SPOCK1: variants seen among roughly 807,000 people sequenced by gnomAD.
SPOCK1 encodes SPARC (osteonectin), cwcv and kazal like domains proteoglycan 1, also known as testican-1.
Under a neutral mutation model 55.3 loss-of-function variants are expected in SPOCK1, and 23 were observed. The observed-to-expected ratio is 0.42, with a 90% CI of 0.30 to 0.59. The LOEUF (loss-of-function observed/expected upper bound fraction) is 0.59, where lower values mean the gene tolerates loss of function less well. Among genes scored for constraint, SPOCK1 ranks in the 20% least tolerant of loss-of-function variants. The pLI is 0.22. For missense variants in SPOCK1, 499 were observed against 552.5 expected, an observed-to-expected ratio of 0.90 and a Z score of 0.97; for synonymous variants, 226 against 221.0, an observed-to-expected ratio of 1.02 and a Z score of -0.20.
At chr5:137,061,384 A>G (rs1752391336) in intron 6 of SPOCK1, among the ~76,000 whole-genome samples, 1 of 152,168 alleles carries the variant, frequency 6.6e-6, no homozygotes, top group Admixed American at 6.5e-5. Flanking sequence ...TGTCAACCCA[A>G]GACAGTTTCC....
chr5:137,488,788 C>T (rs972040527), intron 2 of SPOCK1, among the ~76,000 whole-genome samples: 1 of 152,190 alleles, frequency 6.6e-6, no homozygotes, highest in Non-Finnish European at 1.5e-5. Context: ...TGCATAAATG[C>T]CTGCTCACCT....
At chr5:137,395,500 T>C (rs1247789966) in intron 2 of SPOCK1, among the ~76,000 whole-genome samples, 2 of 152,138 alleles carry the variant, frequency 1.3e-5, no homozygotes, top group African/African-American at 4.8e-5. Flanking sequence ...ATCAGGCCTG[T>C]GAATCTTCCC....
chr5:137,339,529 C>G (rs969793485), intron 2 of SPOCK1, among the ~76,000 whole-genome samples: 3 of 152,182 alleles, frequency 2.0e-5, no homozygotes, highest in African/African-American at 7.2e-5. Context: ...GAAGGGGGAA[C>G]CCAGCTTCCA....
chr5:137,466,339 G>T (rs947185205), intron 2 of SPOCK1, among the ~76,000 whole-genome samples: 2 of 152,170 alleles, frequency 1.3e-5, no homozygotes, highest in African/African-American at 4.8e-5. Context: ...ACAACAGCTG[G>T]ATCTCTCCTA....
At chr5:137,025,729 G>A (rs1751663313) in intron 6 of SPOCK1, among the ~76,000 whole-genome samples, 1 of 152,098 alleles carries the variant, frequency 6.6e-6, no homozygotes, top group Non-Finnish European at 1.5e-5. Context: ...AAAACTGAAT[G>A]AAAAGTGATA....
At chr5:137,200,607 G>A (rs967086351) in intron 3 of SPOCK1, among the ~76,000 whole-genome samples, 1 of 152,052 alleles carries the variant, frequency 6.6e-6, no homozygotes, top group African/African-American at 2.4e-5. Flanking sequence ...GGGAGTAAAT[G>A]GATGAATTTA....
At chr5:137,007,535 A>ATC (rs1751273532) in intron 6 of SPOCK1, among the ~76,000 whole-genome samples, 1 of 152,238 alleles carries the variant, frequency 6.6e-6, no homozygotes, top group Non-Finnish European at 1.5e-5. Context: ...CAACATATGA[A>ATC]AAAAGCTCAT....
chr5:137,455,846 T>C (rs1252591528), intron 2 of SPOCK1, among the ~76,000 whole-genome samples: 1 of 151,712 alleles, frequency 6.6e-6, no homozygotes, highest in Non-Finnish European at 1.5e-5. Context: ...CTAGGCAACA[T>C]AACAAAACTC....
chr5:137,172,173 T>C (rs1286533666), intron 3 of SPOCK1, among the ~76,000 whole-genome samples: 1 of 152,094 alleles, frequency 6.6e-6, no homozygotes, highest in African/African-American at 2.4e-5. Context: ...AATAACAAAA[T>C]AAGATTCTAC....
intron 2 of SPOCK1, among the ~76,000 whole-genome samples, chr5:137,314,481 G>A (rs1030295167): frequency 3.2e-4 from 49 of 152,156 alleles, no homozygotes; most frequent in African/African-American, 1.1e-3. Flanking sequence ...CCAATGACAA[G>A]CTTTCTGAGT....
intron 6 of SPOCK1, among the ~76,000 whole-genome samples, chr5:137,060,191 A>C (rs1189880608): frequency 6.6e-6 from 1 of 152,228 alleles, no homozygotes; most frequent in Non-Finnish European, 1.5e-5. Context: ...AAGACATGCA[A>C]TCAACCTAAA....
At chr5:137,377,942 C>CTTTTTTTTTT (rs3043282) in intron 2 of SPOCK1, among the ~76,000 whole-genome samples, 3 of 104,624 alleles carry the variant, frequency 2.9e-5, no homozygotes, top group African/African-American at 3.6e-5. Flanking sequence ...TCACTTCTTC[C>CTTTTTTTTTT]TTTTTTTTTT....
At chr5:137,401,360 C>T (rs1751973180) in intron 2 of SPOCK1, among the ~76,000 whole-genome samples, 1 of 152,030 alleles carries the variant, frequency 6.6e-6, no homozygotes, top group Non-Finnish European at 1.5e-5. Flanking sequence ...GTTTTATATG[C>T]ATCATCTTAT....
intron 5 of SPOCK1, among the ~76,000 whole-genome samples, chr5:137,069,129 T>C (rs1752561868): frequency 6.6e-6 from 1 of 152,200 alleles, no homozygotes; most frequent in Admixed American, 6.5e-5. Context: ...CGAGTGCAGA[T>C]AAATACTGGC....
intron 3 of SPOCK1, among the ~76,000 whole-genome samples, chr5:137,191,347 A>C (rs1347187867): frequency 6.6e-6 from 1 of 152,192 alleles, no homozygotes; most frequent in Admixed American, 6.5e-5. Flanking sequence ...CTCTTTTTTC[A>C]TAATCTTTGC....
intron 2 of SPOCK1, among the ~76,000 whole-genome samples, chr5:137,304,494 G>C (rs1757666692): frequency 6.6e-6 from 1 of 152,150 alleles, no homozygotes; most frequent in Admixed American, 6.5e-5. Context: ...GTGCGGGGCG[G>C]GGGGACAGGA....
At chr5:137,078,863 C>T (rs1752824841) in intron 5 of SPOCK1, among the ~76,000 whole-genome samples, 1 of 152,156 alleles carries the variant, frequency 6.6e-6, no homozygotes, top group African/African-American at 2.4e-5. Context: ...GACACCCTAC[C>T]CCAGCTTACA....
intron 2 of SPOCK1, among the ~76,000 whole-genome samples, chr5:137,331,928 G>A (rs1002279165): frequency 1.2e-4 from 18 of 152,108 alleles, no homozygotes; most frequent in African/African-American, 4.1e-4. Context: ...GTTCCACCCT[G>A]ATTTCATCTG....
At chr5:137,151,955 C>T (rs1025224711) in intron 3 of SPOCK1, among the ~76,000 whole-genome samples, 4 of 152,180 alleles carry the variant, frequency 2.6e-5, no homozygotes, top group Admixed American at 2.0e-4. Context: ...CATTTCCAAG[C>T]CCTTTCTTTC....
Sources: allele counts gnomAD v4.1 joint callset (sites outside exome capture counted in the v4.1 genomes callset), GRCh38; gene constraint gnomAD v4.1.1; transcripts MANE v1.5; gene names NCBI Gene and HGNC (gene_info 2026-07-23, HGNC 2026-07-21).